DYTN: variants seen among roughly 807,000 people sequenced by gnomAD.
DYTN encodes dystrotelin.
A neutral mutation model predicts 69.6 loss-of-function variants in DYTN; 75 were observed. That is an observed-to-expected ratio of 1.08 (90% CI 0.89 to 1.31). The LOEUF is 1.31. Ranked by LOEUF, DYTN falls within the 50% of genes most tolerant of loss-of-function variation. DYTN has a pLI of 0.00. For missense variants in DYTN, 726 were observed against 688.4 expected, an observed-to-expected ratio of 1.05 and a Z score of -0.61; for synonymous variants, 252 against 249.1, an observed-to-expected ratio of 1.01 and a Z score of -0.11.
Position 206,707,522 on chromosome 2 carries a change from G to T in DYTN, c.95-19C>A. 2 of 1,593,958 alleles carry T rather than the reference G, an allele frequency of 1.3e-6. No individual in the cohort carries two copies. The highest frequency in any genetic ancestry group is 1.3e-5 in the African/African-American group (1 of 74,608). On this transcript the variant is annotated intron_variant, in intron 2 of 11. Transcript: ENST00000452335. ...AAGTCCACTGTAGGAAGCAAATGAA[G>T]AATTGAGCCTTATTTTCTGATGGGA...
At chr2:206,698,804 A>G (rs772892534) in intron 7 of DYTN, among the ~76,000 whole-genome samples, 9 of 152,354 alleles carry the variant, frequency 5.9e-5, no homozygotes, top group African/African-American at 9.6e-5. Context: ...TGGAGAGAAG[A>G]TCAAGCCTGA....
intron 9 of DYTN, among the ~76,000 whole-genome samples, chr2:206,678,250 C>T (rs978421460): frequency 6.6e-6 from 1 of 151,994 alleles, no homozygotes; most frequent in Non-Finnish European, 1.5e-5. Context: ...CAAATTAAAG[C>T]AAATTAAATA....
Position 206,663,316 on chromosome 2 carries a change from T to C in DYTN, c.1220A>G (p.Lys407Arg). The C allele has an allele frequency of 5.0e-6, 8 of 1,613,970 alleles. No individual in the cohort carries two copies. Among genetic ancestry groups the C allele is most frequent in the Non-Finnish European group, 6.8e-6 (8 of 1,179,868 alleles). Residue 407 changes from lysine (K) to arginine (R), a missense_variant, in exon 11 of 12, where the codon AAG becomes AGG. Coordinates refer to ENST00000452335, the MANE Select transcript of DYTN (RefSeq NM_001093730.1). Reference sequence around the variant, plus strand: ...CAAATAATCCCCTCCCTTTGGAACCTTTTCAGTTGAAGAATGGTCAACCTT... The same window carrying C: ...CAAATAATCCCCTCCCTTTGGAACCCTTTCAGTTGAAGAATGGTCAACCTT... ...GNKVDHSSTE[K>R]VPKGGDYLQI... is the part of the protein sequence containing the mutation.
intron 9 of DYTN, among the ~76,000 whole-genome samples, chr2:206,685,779 TC>T (rs1351391444): frequency 6.6e-6 from 1 of 152,006 alleles, no homozygotes; most frequent in African/African-American, 2.4e-5. Flanking sequence ...ATTCATTTTT[TC>T]CCCTTACATA....
chr2:206,704,685 T>C (rs1379333220), intron 5 of DYTN, among the ~76,000 whole-genome samples, 158 bp downstream of exon 5: 1 of 152,214 alleles, frequency 6.6e-6, no homozygotes, highest in Non-Finnish European at 1.5e-5. Flanking sequence ...GAGTATAAGT[T>C]AAGTTATATT....
In DYTN at chr2:206,707,456, T is replaced by C; in HGVS notation, c.142A>G (p.Ser48Gly). ...GAGTGCTTGCGAGCTTCCCAGAAAC[T>C]TGGACGCAGTAGGACCTGCTGAATC... ...SLIQQVLLRP[S>G]FWEARKHSLS... is the part of the protein sequence containing the mutation. Residue 48 changes from serine to glycine, a missense_variant, in exon 3 of 12, where the codon AGT (serine) becomes GGT (glycine). Ser to Gly is a moderately conservative substitution (Grantham distance 56, BLOSUM62 0). Coordinates refer to ENST00000452335, the MANE Select transcript of DYTN (RefSeq NM_001093730.1). 6.2e-7 allele frequency: 1 copy of C among 1,612,590 alleles called. No individual in the cohort carries two copies. Among genetic ancestry groups the C allele is most frequent in the Non-Finnish European group, 8.5e-7 (1 of 1,179,458 alleles).
chr2:206,683,339 C>CTTTTTTTTTTTTTTTTTTTTT (rs10531348), intron 9 of DYTN, among the ~76,000 whole-genome samples: 1 of 111,934 alleles, frequency 8.9e-6, no homozygotes, highest in Non-Finnish European at 1.8e-5. Flanking sequence ...TTTACTTTTT[C>CTTTTTTTTTTTTTTTTTTTTT]TTTTTTTTTT....
rs1699419707 is a variant in DYTN, at chr2:206,654,080, A to AATGT, written c.1634-2160_1634-2159insACAT. Among the ~76,000 whole-genome samples, 3 of 152,342 alleles carry AATGT rather than the reference A, an allele frequency of 2.0e-5. No homozygotes were observed. The South Asian group carries it at 6.2e-4, about 32-fold the overall frequency. On this transcript the variant is annotated intron_variant, in intron 11 of 11. Coordinates refer to ENST00000452335, the MANE Select transcript of DYTN (RefSeq NM_001093730.1). ...TTGATTAATATTTGTTGAATGAATG[A>AATGT]ATTAGCGATTGAATGATGAGCCAAC...
intron 5 of DYTN, among the ~76,000 whole-genome samples, chr2:206,702,474 GA>G (rs1699985509): frequency 6.6e-6 from 1 of 152,220 alleles, no homozygotes; most frequent in African/African-American, 2.4e-5. Flanking sequence ...GTGTAATAGT[GA>G]CAAGATGGCT....
intron 4 of DYTN, 53 bp from the exon 5 acceptor site, chr2:206,704,996 G>C (rs1700011912): frequency 1.4e-6 from 2 of 1,400,162 alleles, no homozygotes; most frequent in African/African-American, 1.4e-5. Flanking sequence ...ATGTATCTTT[G>C]AAGAGTACTT....
At chr2:206,670,703 C>T (rs1041603766) in intron 9 of DYTN, 2 of 152,096 alleles carry the variant, frequency 1.3e-5, no homozygotes, top group Admixed American at 6.6e-5. Flanking sequence ...GGTTTACATT[C>T]GTGTATGATG....
intron 9 of DYTN, among the ~76,000 whole-genome samples, chr2:206,684,119 C>G (rs988526080): frequency 7.9e-5 from 12 of 151,744 alleles, no homozygotes; most frequent in African/African-American, 2.7e-4. Context: ...GAACAACATT[C>G]AATAAACTTA....
At chr2:206,672,784 C>CA (rs1699643813) in intron 9 of DYTN, among the ~76,000 whole-genome samples, 1 of 152,140 alleles carries the variant, frequency 6.6e-6, no homozygotes, top group Non-Finnish European at 1.5e-5. Flanking sequence ...CATGTGGGGG[C>CA]AAATAAACAG....
At chr2:206,679,347 C>G (rs931820667) in intron 9 of DYTN, among the ~76,000 whole-genome samples, 2 of 152,130 alleles carry the variant, frequency 1.3e-5, no homozygotes, top group Admixed American at 1.3e-4. Flanking sequence ...ATTTTGTTGA[C>G]AGAGTCAAGT....
intron 2 of DYTN, among the ~76,000 whole-genome samples, chr2:206,709,050 A>T (rs1203975180): frequency 6.6e-6 from 1 of 152,302 alleles, no homozygotes; most frequent in East Asian, 1.9e-4. Context: ...TGTTCCTGGA[A>T]TAATAAATAA....
In DYTN at chr2:206,655,310, A is replaced by G. The variant is rs529109021; in HGVS notation, c.1634-3389T>C. 9.0e-4 allele frequency among the ~76,000 whole-genome samples: 135 copies of G among 149,252 alleles called. No individual in the cohort carries two copies. In the Middle Eastern group the frequency reaches 0.014, roughly 15 times the overall value. ...GCCCAGGCTGGAGCACAGTGATGTG[A>G]TCATAGTTCACTGTAACTTTGAACT... On this transcript the variant is annotated intron_variant, in intron 11 of 11. Transcript: ENST00000452335.
At chr2:206,714,197 C>A (rs1700105786) in intron 1 of DYTN, among the ~76,000 whole-genome samples, 2 of 152,072 alleles carry the variant, frequency 1.3e-5, no homozygotes, top group South Asian at 4.2e-4. Flanking sequence ...AAGGGCCACT[C>A]TTTTTTCTTT....
intron 7 of DYTN, among the ~76,000 whole-genome samples, chr2:206,696,379 C>G (rs920268248): frequency 2.0e-5 from 3 of 152,128 alleles, no homozygotes; most frequent in Admixed American, 2.0e-4. Context: ...AGAGGAGGAG[C>G]AGGAGAATGT....
intron 1 of DYTN, among the ~76,000 whole-genome samples, chr2:206,714,719 G>A (rs1700111331): frequency 6.6e-6 from 1 of 152,122 alleles, no homozygotes; most frequent in South Asian, 2.1e-4. Flanking sequence ...GTGTAGCCAG[G>A]GAGACCAGCC....
Sources: allele counts gnomAD v4.1 joint callset (sites outside exome capture counted in the v4.1 genomes callset), GRCh38; gene constraint gnomAD v4.1.1; transcripts MANE v1.5; gene names NCBI Gene and HGNC (gene_info 2026-07-23, HGNC 2026-07-21).